DHX33: variants seen among roughly 807,000 people sequenced by gnomAD.
DHX33 encodes the protein ATP-dependent RNA helicase DHX33.
DHX33 carries 42 observed loss-of-function variants against 72.5 expected under a neutral mutation model. That is an observed-to-expected ratio of 0.58 (90% CI 0.45 to 0.75). DHX33 has a LOEUF of 0.75. Among genes scored for constraint, DHX33 ranks in the 30% least tolerant of loss-of-function variants. The pLI is 0.00. For synonymous variants in DHX33, 358 were observed against 366.1 expected (o/e 0.98, Z 0.25); for missense variants, 842 against 917.5 (o/e 0.92, Z 1.06).
At chr17:5,460,831 C>T in intron 4 of DHX33, 108 bp downstream of exon 4, 1 of 1,348,184 alleles carries the variant, frequency 7.4e-7, no homozygotes, top group Non-Finnish European at 1.0e-6. Flanking sequence ...GATGACACAA[C>T]TCACAAAGTT....
chr17:5,457,543 G>C (rs1466425318), intron 4 of DHX33, among the ~76,000 whole-genome samples: 1 of 145,072 alleles, frequency 6.9e-6, no homozygotes, highest in East Asian at 2.0e-4. Flanking sequence ...GGAGGTAGAG[G>C]TTGCAGTGAG....
chr17:5,455,932 G>C, intron 5 of DHX33, 65 bp downstream of exon 5: 1 of 1,524,204 alleles, frequency 6.6e-7, no homozygotes, highest in African/African-American at 1.4e-5. Context: ...AACAGGTACA[G>C]ACCTCGCTGG....
Position 5,442,628 on chromosome 17 carries a change from G to A in DHX33, c.*1577C>T, listed in dbSNP as rs1446047914. 2 of 152,262 alleles carry A rather than the reference G, an allele frequency of 1.3e-5. No individual in the cohort carries two copies. Among genetic ancestry groups the A allele is most frequent in the East Asian group, 3.9e-4 (2 of 5,174 alleles). The allele number at this position is 152,262 out of a possible 1,614,324, so 9.4% of individuals were successfully genotyped here. A position where few individuals can be genotyped will look rare whatever the true frequency, so the allele number is the denominator to read the frequency against. On this transcript the variant is annotated 3_prime_UTR_variant, in exon 12 of 12. Transcript: ENST00000225296. ...CCGGACAGATGGGACCCTGGAATGG[G>A]GCTGCTCCATCAGGCCACAGCTTCC...
In DHX33 at chr17:5,455,209, T is replaced by C. The variant is rs771539568; in HGVS notation, c.1098A>G (p.Ile366Met). 1.1e-5 allele frequency: 17 copies of C among 1,614,114 alleles called. No individual in the cohort carries two copies. Among genetic ancestry groups the C allele is most frequent in the South Asian group, 2.2e-5 (2 of 91,088 alleles). Residue 366 changes from isoleucine to methionine, a missense_variant, in exon 6 of 12, where the codon ATA becomes ATG. Transcript: ENST00000225296. ...IAETSITITGIKYVVDTGMVK... is the reference protein window; with the variant it reads ...IAETSITITGMKYVVDTGMVK... ...CCATGCCCGTGTCAACTACATATTT[T>C]ATTCCTGTAATGGTTATGGAGGTTT...
rs1312708466 is a variant in DHX33, at chr17:5,444,158, G to A, written c.*47C>T. 6.3e-7 allele frequency: 1 copy of A among 1,578,384 alleles called. No homozygotes were observed. Among genetic ancestry groups the A allele is most frequent in the South Asian group, 1.2e-5 (1 of 84,518 alleles). ...GAAGCCTGCTGTAAGGACAACTGTAGTCCAAGCTCCCAGGGACCAGTGATT... is the reference window on the plus strand; with the variant it reads ...GAAGCCTGCTGTAAGGACAACTGTAATCCAAGCTCCCAGGGACCAGTGATT... On this transcript the variant is annotated 3_prime_UTR_variant, in exon 12 of 12. Transcript: ENST00000225296. The surrounding 1 kb of genome is among the most constrained non-coding windows in gnomAD (Gnocchi z 4.9).
chr17:5,444,626 G>T lies in DHX33; in HGVS notation c.1816-113C>A. ...CTGGGGCAAAAGCAGCCCACATTGT[G>T]AGCCTAACGATGTGGATTCTGACAT... On this transcript the variant is annotated intron_variant, in intron 11 of 11. Transcript: ENST00000225296. This position sits in a 1 kb window ranked among gnomAD's most constrained non-coding sequence, Gnocchi z 4.9. The T allele has an allele frequency of 2.8e-6, 3 of 1,089,938 alleles. No individual in the cohort carries two copies. The highest frequency in any genetic ancestry group is 1.6e-5 in the African/African-American group (1 of 63,754). 67.5% of individuals were successfully genotyped at this position (1,089,938 alleles called of 1,614,324 possible). A position where few individuals can be genotyped will look rare whatever the true frequency, so the allele number is the denominator to read the frequency against.
In DHX33 at chr17:5,464,723, C is replaced by T. The variant is rs750451178; in HGVS notation, c.290-1034G>A. Among the ~76,000 whole-genome samples, 7 of 152,296 alleles carry T rather than the reference C, an allele frequency of 4.6e-5. No individual in the cohort carries two copies. In the East Asian group the frequency reaches 7.7e-4, roughly 17 times the overall value. ...AATATAAAATAAAATACAACCGTTA[C>T]ATAGATTTCTGCATACTGACTGACA... On this transcript the variant is annotated intron_variant, in intron 1 of 11. Coordinates refer to ENST00000225296, the MANE Select transcript of DHX33 (RefSeq NM_020162.4).
intron 5 of DHX33, among the ~76,000 whole-genome samples, chr17:5,455,672 G>C (rs891560511): frequency 6.6e-6 from 1 of 152,176 alleles, no homozygotes; most frequent in Non-Finnish European, 1.5e-5. Context: ...ATAAATGCTA[G>C]CACAGTGCCT....
At position 5,444,202 on chromosome 17, in the gene DHX33, G is replaced by A. The variant is rs375293360; in HGVS notation, c.*3C>T. 1.4e-5 allele frequency: 23 copies of A among 1,610,198 alleles called. No individual in the cohort carries two copies. Among genetic ancestry groups the A allele is most frequent in the African/African-American group, 2.7e-5 (2 of 74,866 alleles). ...AGTGATTCTGGCGGCATCCTGGGGC[G>A]GCTCAGTTTCTGGCGGTTCTCAGCT... On this transcript the variant is annotated 3_prime_UTR_variant, in exon 12 of 12. Transcript: ENST00000225296. This position sits in a 1 kb window ranked among gnomAD's most constrained non-coding sequence, Gnocchi z 4.9.
chr17:5,454,131 T>G, intron 6 of DHX33, 151 bp from the exon 7 acceptor site: 1 of 871,444 alleles, frequency 1.1e-6, no homozygotes. Context: ...AAAACCAGAC[T>G]GCTCCGCAGC....
intron 10 of DHX33, among the ~76,000 whole-genome samples, chr17:5,449,561 C>T (rs1467399083): frequency 3.3e-5 from 5 of 152,302 alleles, no homozygotes; most frequent in African/African-American, 9.6e-5. Flanking sequence ...CTCAGCCTCC[C>T]GAGTAGCTGG....
At position 5,468,829 on chromosome 17, in the gene DHX33, T is replaced by A. The variant is rs958498381; in HGVS notation, c.31A>T (p.Lys11Ter). MPEEAGFPPA[K>*]RFRPGSGPPS... ...GGTCCAGAGCCTGGCCGGAATCTCT[T>A]GGCCGGCGGGAAGCCCGCCTCCTCC... is the stretch of plus-strand genomic sequence containing the variant. Residue 11 changes from lysine to a stop codon, truncating the protein, a stop_gained, in exon 1 of 12, where the codon AAG becomes TAG. Transcript: ENST00000225296. LOFTEE classifies it high-confidence loss of function. 1.1e-5 allele frequency: 17 copies of A among 1,570,858 alleles called. No individual in the cohort carries two copies. Among genetic ancestry groups the A allele is most frequent in the Non-Finnish European group, 1.4e-5 (16 of 1,159,020 alleles).
At chr17:5,446,739 C>T (rs1916671301) in intron 11 of DHX33, among the ~76,000 whole-genome samples, 1 of 152,136 alleles carries the variant, frequency 6.6e-6, no homozygotes, top group Non-Finnish European at 1.5e-5. Context: ...CTTACCAGTG[C>T]CTGACATATA....
At position 5,453,578 on chromosome 17, in the gene DHX33, AC is replaced by A. The variant is rs774543038; in HGVS notation, c.1396+1del. The A allele has an allele frequency of 5.6e-6, 9 of 1,613,900 alleles. No homozygotes were observed. The highest frequency in any genetic ancestry group is 7.6e-6 in the Non-Finnish European group (9 of 1,179,908). On this transcript the variant is annotated splice_donor_variant, in intron 8 of 11. Coordinates refer to ENST00000225296, the MANE Select transcript of DHX33 (RefSeq NM_020162.4). LOFTEE classifies it high-confidence loss of function. Reference sequence around the variant, plus strand: ...TTCTGCAAAACTGTGGATTTCACTTACCTGGAGATGGCTTCGACATGAAGTC... The same window carrying A: ...TTCTGCAAAACTGTGGATTTCACTTACTGGAGATGGCTTCGACATGAAGTC...
In DHX33 at chr17:5,463,631, G is replaced by T. The variant is rs755548742; in HGVS notation, c.348C>A (p.Ile116=). 4 of 1,613,876 alleles carry T rather than the reference G, an allele frequency of 2.5e-6. No individual in the cohort carries two copies. The highest frequency in any genetic ancestry group is 3.4e-6 in the Non-Finnish European group (4 of 1,179,994). Reference sequence around the variant, plus strand: ...TCACAGCAATGATGCCCTGGCGGCTGATCCCTCCTTCATACAGGTACTGAG... The same window carrying T: ...TCACAGCAATGATGCCCTGGCGGCTTATCCCTCCTTCATACAGGTACTGAG... ...QIPQYLYEGG[I]SRQGIIAVTQ... is the part of the protein sequence containing the mutation. Residue 116 remains isoleucine, a synonymous_variant, in exon 2 of 12, where the codon ATC becomes ATA. Coordinates refer to ENST00000225296, the MANE Select transcript of DHX33 (RefSeq NM_020162.4).
chr17:5,466,703 C>G (rs1356270920), intron 1 of DHX33, among the ~76,000 whole-genome samples: 1 of 152,216 alleles, frequency 6.6e-6, no homozygotes, highest in Non-Finnish European at 1.5e-5. Context: ...AACTTGCCTG[C>G]TTTGCAGCTA....
Position 5,444,457 on chromosome 17 carries a change from C to G in DHX33, c.1872G>C (p.Leu624=). The change falls in exon 12 of 12, where the codon CTG becomes CTC. Residue 624 remains leucine (L), a synonymous_variant. Coordinates refer to ENST00000225296, the MANE Select transcript of DHX33 (RefSeq NM_020162.4). The surrounding 1 kb of genome is among the most constrained non-coding windows in gnomAD (Gnocchi z 4.9). ...CGGTGCTCATGAAGAGGCTGTGAGC[C>G]AGGCAGCGGCGGACACTCTCCACGT... The part of the protein sequence containing the change: ...RGDVESVRRC[L]AHSLFMSTAE... The G allele has an allele frequency of 6.2e-7, 1 of 1,614,194 alleles. No individual in the cohort carries two copies. The highest frequency in any genetic ancestry group is 1.1e-5 in the South Asian group (1 of 91,080).
In DHX33 at chr17:5,455,596, G is replaced by T. The variant is rs187041935; in HGVS notation, c.1036-325C>A. On this transcript the variant is annotated intron_variant, in intron 5 of 11. Transcript: ENST00000225296. ...AGCAATTGTTACTTCCCTTCTTGGGGCCTCAGGATCCCCATGGGATCATAA... is the reference window on the plus strand; with the variant it reads ...AGCAATTGTTACTTCCCTTCTTGGGTCCTCAGGATCCCCATGGGATCATAA... 3.1e-3 allele frequency among the ~76,000 whole-genome samples: 466 copies of T among 152,300 alleles called. 3 individuals carry two copies. Among genetic ancestry groups the T allele is most frequent in the Middle Eastern group, 6.8e-3 (2 of 294 alleles).
In DHX33 at chr17:5,453,946, T is replaced by C. The variant is rs1917073823; in HGVS notation, c.1182A>G (p.Val394=). Residue 394 remains valine, a synonymous_variant, in exon 7 of 12, where the codon GTA becomes GTG. Coordinates refer to ENST00000225296, the MANE Select transcript of DHX33 (RefSeq NM_020162.4). ...TGCGCTGCCAAGCCTGCGTCTTCGA[T>C]ACCCGCTGCACTGCTAACACCTCAA... is the stretch of plus-strand genomic sequence containing the variant. ...SGLEVLAVQR[V]SKTQAWQRTG... The C allele has an allele frequency of 6.2e-7, 1 of 1,613,994 alleles. No individual in the cohort carries two copies. The highest frequency in any genetic ancestry group is 1.1e-5 in the South Asian group (1 of 91,092).
Sources: allele counts gnomAD v4.1 joint callset (sites outside exome capture counted in the v4.1 genomes callset), GRCh38; gene constraint gnomAD v4.1.1; non-coding constraint Gnocchi (gnomAD v3.1); transcripts MANE v1.5; gene names NCBI Gene and HGNC (gene_info 2026-07-23, HGNC 2026-07-21).